The following RCAN2 variants were observed in gnomAD, a reference collection of about 807,000 sequenced individuals.
RCAN2 encodes regulator of calcineurin 2.
RCAN2 carries 9 observed loss-of-function variants against 23.6 expected under a neutral mutation model. The observed-to-expected ratio is 0.38, with a 90% CI of 0.23 to 0.67. RCAN2 has a LOEUF of 0.67. Ranked by LOEUF, RCAN2 falls within the 30% of genes least tolerant of loss-of-function variation. The probability of loss-of-function intolerance (pLI) is 0.51; values close to 1 mark genes in which losing one functional copy is unlikely to be tolerated. For missense variants in RCAN2, 273 were observed against 302.3 expected, an observed-to-expected ratio of 0.90 and a Z score of 0.72; for synonymous variants, 109 against 115.7, an observed-to-expected ratio of 0.94 and a Z score of 0.37.
intron 2 of RCAN2, among the ~76,000 whole-genome samples, chr6:46,297,915 A>G (rs1239761845): frequency 6.6e-6 from 1 of 152,162 alleles, no homozygotes; most frequent in Non-Finnish European, 1.5e-5. Flanking sequence ...GTCTGAGGTG[A>G]GAACTTCTTT....
chr6:46,234,397 C>T (rs1260845213), intron 4 of RCAN2, among the ~76,000 whole-genome samples: 3 of 152,210 alleles, frequency 2.0e-5, no homozygotes, highest in Admixed American at 6.5e-5. Flanking sequence ...ACTATTTCCT[C>T]TACCACAAGG....
At position 46,222,514 on chromosome 6, in the gene RCAN2, G is replaced by A. The variant is rs1382296677; in HGVS notation, c.*627C>T. 6.5e-6 allele frequency: 1 copy of A among 153,070 alleles called. No homozygotes were observed. Among genetic ancestry groups the A allele is most frequent in the African/African-American group, 2.4e-5 (1 of 41,438 alleles). The allele number at this position is 153,070 out of a possible 1,614,324, so 9.5% of individuals were successfully genotyped here. A position where few individuals can be genotyped will look rare whatever the true frequency, so the allele number is the denominator to read the frequency against. Reference sequence around the variant, plus strand: ...CCTCCAGGAATTTCAACAGAGCTATGGTGTATTGACTCACAATAGTGAATA... The same window carrying A: ...CCTCCAGGAATTTCAACAGAGCTATAGTGTATTGACTCACAATAGTGAATA... On this transcript the variant is annotated 3_prime_UTR_variant, in exon 5 of 5. Coordinates refer to ENST00000371374, the MANE Select transcript of RCAN2 (RefSeq NM_001251974.2).
chr6:46,327,952 T>C (rs1763847195), intron 2 of RCAN2, among the ~76,000 whole-genome samples: 4 of 152,140 alleles, frequency 2.6e-5, no homozygotes, highest in Admixed American at 2.6e-4. Flanking sequence ...AGAGGCAAAG[T>C]CCACGTGTGC....
chr6:46,371,054 T>C (rs1765307133), intron 2 of RCAN2, among the ~76,000 whole-genome samples: 1 of 152,188 alleles, frequency 6.6e-6, no homozygotes, highest in Admixed American at 6.5e-5. Context: ...ACACTGACAT[T>C]GTATAGTATG....
intron 2 of RCAN2, among the ~76,000 whole-genome samples, chr6:46,410,187 T>C (rs1004109882): frequency 3.9e-5 from 6 of 152,186 alleles, no homozygotes; most frequent in Non-Finnish European, 7.4e-5. Context: ...ATACCATTAG[T>C]TTCCCTGGTT....
At chr6:46,224,332 C>A (rs762973449) in intron 4 of RCAN2, among the ~76,000 whole-genome samples, 9 of 152,206 alleles carry the variant, frequency 5.9e-5, no homozygotes, top group Non-Finnish European at 1.3e-4. Context: ...AAAGATAAAT[C>A]TTCCAAAAAC....
At chr6:46,484,545 G>A (rs1440009303) in intron 1 of RCAN2, among the ~76,000 whole-genome samples, 1 of 152,186 alleles carries the variant, frequency 6.6e-6, no homozygotes, top group African/African-American at 2.4e-5. Context: ...AACTGTTTTT[G>A]CTGAATTGAG....
chr6:46,373,205 CGGG>C (rs1765366482), intron 2 of RCAN2, among the ~76,000 whole-genome samples: 1 of 152,104 alleles, frequency 6.6e-6, no homozygotes, highest in South Asian at 2.1e-4. Context: ...ACTAAAGCTA[CGGG>C]GTCAAGAAAC....
At chr6:46,317,066 T>A (rs1315648439) in intron 2 of RCAN2, among the ~76,000 whole-genome samples, 1 of 152,170 alleles carries the variant, frequency 6.6e-6, no homozygotes, top group African/African-American at 2.4e-5. Flanking sequence ...CTACAATTCT[T>A]CACAGATTAT....
intron 2 of RCAN2, among the ~76,000 whole-genome samples, chr6:46,401,778 G>A (rs1023555985): frequency 6.6e-6 from 1 of 152,176 alleles, no homozygotes; most frequent in Non-Finnish European, 1.5e-5. Context: ...GTAAAAGCAG[G>A]TGCCTTCCTT....
At chr6:46,438,848 A>G (rs1393176793) in intron 2 of RCAN2, among the ~76,000 whole-genome samples, 1 of 152,144 alleles carries the variant, frequency 6.6e-6, no homozygotes, top group Non-Finnish European at 1.5e-5. Flanking sequence ...AATACTTGGG[A>G]CATGGTAGAG....
At chr6:46,259,185 C>G (rs905589178) in intron 2 of RCAN2, among the ~76,000 whole-genome samples, 1 of 151,744 alleles carries the variant, frequency 6.6e-6, no homozygotes, top group Admixed American at 6.6e-5. Flanking sequence ...GACCCTGTCT[C>G]AAAACAAAAA....
At chr6:46,329,515 C>T (rs1017611726) in intron 2 of RCAN2, among the ~76,000 whole-genome samples, 1 of 152,102 alleles carries the variant, frequency 6.6e-6, no homozygotes, top group African/African-American at 2.4e-5. Context: ...TTAGGAGTTA[C>T]TCTAATAAAC....
intron 2 of RCAN2, among the ~76,000 whole-genome samples, chr6:46,300,465 C>T (rs1331867859): frequency 2.0e-5 from 3 of 151,850 alleles, no homozygotes; most frequent in Admixed American, 6.6e-5. Context: ...TACACAATGG[C>T]CATATCTATA....
intron 2 of RCAN2, among the ~76,000 whole-genome samples, chr6:46,390,873 A>G (rs1765912898): frequency 6.6e-6 from 1 of 152,198 alleles, no homozygotes; most frequent in African/African-American, 2.4e-5. Flanking sequence ...ACTCTATTGT[A>G]TGAGGTTGGG....
Position 46,222,818 on chromosome 6 carries a change from C to G in RCAN2, c.*323G>C. The G allele has an allele frequency of 3.7e-6, 1 of 272,716 alleles. No individual in the cohort carries two copies. The highest frequency in any genetic ancestry group is 7.0e-6 in the Non-Finnish European group (1 of 142,918). The allele number at this position is 272,716 out of a possible 1,614,324, so 16.9% of individuals were successfully genotyped here. ...GACTGGGACTGAAACAGCTCACAAA[C>G]AACACAGGTGCTATTTGTTACTGAT... On this transcript the variant is annotated 3_prime_UTR_variant, in exon 5 of 5. Coordinates refer to ENST00000371374, the MANE Select transcript of RCAN2 (RefSeq NM_001251974.2).
In RCAN2 at chr6:46,456,898, A is replaced by G. The variant is rs1768051460; in HGVS notation, c.79T>C (p.Leu27=). ...GHVPEDGGLF[L]LCCIDRDWAV... ...CAGTCCCTGTCTATGCAGCACAGTA[A>G]GAAAAGTCCTCCATCTTCAGGGACG... Residue 27 remains leucine (L), a synonymous_variant, in exon 2 of 5, where the codon TTA becomes CTA. Coordinates refer to ENST00000371374, the MANE Select transcript of RCAN2 (RefSeq NM_001251974.2). 6.4e-7 allele frequency: 1 copy of G among 1,550,738 alleles called. No individual in the cohort carries two copies. The highest frequency in any genetic ancestry group is 1.4e-5 in the African/African-American group (1 of 73,192).
intron 2 of RCAN2, among the ~76,000 whole-genome samples, chr6:46,286,757 C>G (rs1363639267): frequency 6.6e-6 from 1 of 151,996 alleles, no homozygotes; most frequent in African/African-American, 2.4e-5. Flanking sequence ...AATCCCAGCA[C>G]TTTGGGAGGC....
intron 2 of RCAN2, among the ~76,000 whole-genome samples, chr6:46,279,657 T>C (rs1767835866): frequency 6.6e-6 from 1 of 152,240 alleles, no homozygotes; most frequent in Admixed American, 6.5e-5. Context: ...TCGGGGGAAG[T>C]ATGGTATATA....
Sources: gnomAD v4.1 joint callset for allele counts (sites outside exome capture counted in the v4.1 genomes callset) on GRCh38, gnomAD v4.1.1 for gene constraint, MANE v1.5 for transcripts, NCBI Gene and HGNC (gene_info 2026-07-23, HGNC 2026-07-21) for gene names.